Variants in MROH1 observed in about 807,000 individuals in gnomAD.
MROH1 encodes maestro heat like repeat family member 1.
MROH1 carries 117 observed loss-of-function variants against 116.5 expected under a neutral mutation model. The observed-to-expected ratio is 1.00, with a 90% CI of 0.86 to 1.17. The LOEUF is 1.17. MROH1 is among the 50% of genes most tolerant of loss of function. The probability of loss-of-function intolerance (pLI) is 0.00; values close to 1 mark genes in which losing one functional copy is unlikely to be tolerated. For synonymous variants in MROH1, 921 were observed against 583.9 expected, an observed-to-expected ratio of 1.58 and a Z score of -8.32; for missense variants, 1,873 against 1,338.5, an observed-to-expected ratio of 1.40 and a Z score of -6.23.
intron 14 of MROH1, among the ~76,000 whole-genome samples, chr8:144,230,979 GGGT>G (rs1838771397): frequency 7.1e-6 from 1 of 140,702 alleles, no homozygotes; most frequent in African/African-American, 2.7e-5. Context: ...TTGTGTCCCT[GGGT>G]ACTTGAGATT....
chr8:144,235,854 T>A (rs1436825471), intron 14 of MROH1, among the ~76,000 whole-genome samples: 1 of 152,256 alleles, frequency 6.6e-6, no homozygotes, highest in Non-Finnish European at 1.5e-5. Flanking sequence ...TGCACAATTT[T>A]TTTCCAACTC....
rs1455063828 is a variant in MROH1, at chr8:144,258,968, T to G, written c.3929+54T>G. 12 of 681,302 alleles carry G rather than the reference T, an allele frequency of 1.8e-5. No individual in the cohort carries two copies. The African/African-American group carries it at 1.9e-4, about 11-fold the overall frequency. The allele number at this position is 681,302 out of a possible 1,614,324, so 42.2% of individuals were successfully genotyped here. ...AGCACTGGCTGGGCTCCACCGGATC[T>G]CGAGCCCAGAACATGACAGGATCAG... On this transcript the variant is annotated intron_variant, in intron 36 of 43. Coordinates refer to ENST00000326134, the MANE Select transcript of MROH1 (RefSeq NM_032450.3).
rs777054019 is a variant in MROH1, at chr8:144,207,821, T to C, written c.1141+7280T>C. ...TGCCTGCTCAGAAGTCATGAAGATA[T>C]TCTTCTATATTTTCTTTTAGATGCT... On this transcript the variant is annotated intron_variant, in intron 12 of 43. Transcript: ENST00000326134. Among the ~76,000 whole-genome samples the C allele has an allele frequency of 3.3e-5, 5 of 152,224 alleles. No individual in the cohort carries two copies. The South Asian group carries it at 1.0e-3, about 32-fold the overall frequency.
rs541434993 is a variant in MROH1 at position 144,192,387 on chromosome 8, G to T, written c.934G>T (p.Ala312Ser). The T allele has an allele frequency of 1.3e-6, 2 of 1,591,866 alleles. No homozygotes were observed. Among genetic ancestry groups the T allele is most frequent in the Admixed American group, 1.7e-5 (1 of 57,382 alleles). Residue 312 changes from alanine to serine, a missense_variant, in exon 10 of 44, where the codon GCA becomes TCA. Transcript: ENST00000326134. Reference sequence around the variant, plus strand: ...GACCCAGCTGGATGCCCTCTTGGCTGCACTGCACTCCCAGGTAGGAGGCGG... The same window carrying T: ...GACCCAGCTGGATGCCCTCTTGGCTTCACTGCACTCCCAGGTAGGAGGCGG... ...LETQLDALLA[A>S]LHSQICVPVE...
intron 3 of MROH1, 34 bp from the exon 4 acceptor site, chr8:144,168,261 G>GCCTGAGCATGCTAA: frequency 6.4e-7 from 1 of 1,551,404 alleles, no homozygotes; most frequent in African/African-American, 1.3e-5. Context: ...GGGCGCTTGG[G>GCCTGAGCATGCTAA]CCTGAGCATG....
At chr8:144,197,417 CTTTTTTTTTTTTTTTTTTTTTT>C (rs79749774) in intron 10 of MROH1, among the ~76,000 whole-genome samples, 3 of 42,458 alleles carry the variant, frequency 7.1e-5, no homozygotes, top group African/African-American at 1.3e-4. Flanking sequence ...GCTGCAGCAT[CTTTTTTTTTTTTTTTTTTTTTT>C]TTTTTTTTTT....
In MROH1 at chr8:144,155,530, A is replaced by G. The variant is rs900920713; in HGVS notation, c.-176-5440A>G. On this transcript the variant is annotated intron_variant, in intron 1 of 43. Transcript: ENST00000326134. The stretch of plus-strand genomic sequence containing the variant: ...ACAAATCTCCAAAAAGTTTTCCAAT[A>G]TATTTATTGACACAAAACTGTGTAT... Among the ~76,000 whole-genome samples, 202 of 151,962 alleles carry G rather than the reference A, an allele frequency of 1.3e-3. 1 individual carries two copies. Among genetic ancestry groups the G allele is most frequent in the Middle Eastern group, 6.8e-3 (2 of 294 alleles).
chr8:144,259,792 T>TG, intron 37 of MROH1, 119 bp from the exon 38 acceptor site: 1 of 698,160 alleles, frequency 1.4e-6, no homozygotes, highest in South Asian at 1.5e-5. Flanking sequence ...AGGGAGTAGG[T>TG]GCTCCACCTC....
intron 1 of MROH1, among the ~76,000 whole-genome samples, chr8:144,151,258 A>AC (rs1285829331): frequency 5.3e-5 from 8 of 150,438 alleles, no homozygotes; most frequent in Non-Finnish European, 1.0e-4. Context: ...AAAAAAAAAA[A>AC]AAAAAAAAAA....
chr8:144,233,269 G>C (rs1839288698), intron 14 of MROH1, among the ~76,000 whole-genome samples: 4 of 151,334 alleles, frequency 2.6e-5, no homozygotes, highest in Admixed American at 2.6e-4. Context: ...TCCAGCTCCA[G>C]AGCTTGTCCA....
At position 144,190,850 on chromosome 8, in the gene MROH1, C is replaced by G. The variant is rs768461418; in HGVS notation, c.629C>G (p.Thr210Arg). 2 of 1,613,840 alleles carry G rather than the reference C, an allele frequency of 1.2e-6. No individual in the cohort carries two copies. Among genetic ancestry groups the G allele is most frequent in the South Asian group, 2.2e-5 (2 of 91,082 alleles). The change falls in exon 8 of 44, where the codon ACG (threonine) becomes AGG (arginine). Residue 210 changes from threonine (T) to arginine (R), a missense_variant. Transcript: ENST00000326134. ...LANLDRAPDP[T>R]VRKDAFATDI... ...AACCTGGACCGAGCCCCAGACCCCA[C>G]GGTCAGGAAGGACGCCTTTGCCACC...
chr8:144,155,945 G>A (rs1295228998), intron 1 of MROH1, among the ~76,000 whole-genome samples: 1 of 148,914 alleles, frequency 6.7e-6, no homozygotes, highest in Non-Finnish European at 1.5e-5. Flanking sequence ...TTTTTCTTAA[G>A]TAACAAGTTG....
At chr8:144,150,174 G>T (rs1198286095) in intron 1 of MROH1, among the ~76,000 whole-genome samples, 1 of 152,148 alleles carries the variant, frequency 6.6e-6, no homozygotes, top group Non-Finnish European at 1.5e-5. Context: ...TACTTTTTGT[G>T]GCCGGAGGGC....
At position 144,245,250 on chromosome 8, in the gene MROH1, T is replaced by C; in HGVS notation, c.2861T>C (p.Leu954Pro). ...CTGCTGCGCTACTTCCTGGAGCACC[T>C]GCGTGTCAGCGTGAGTACCTGGGTC... Reference protein sequence around the residue: ...ALLLRYFLEHLRVSALVPFHN... With the variant: ...ALLLRYFLEHPRVSALVPFHN... The change falls in exon 29 of 44, where the codon CTG becomes CCG. Residue 954 changes from leucine (L) to proline (P), a missense_variant. Coordinates refer to ENST00000326134, the MANE Select transcript of MROH1 (RefSeq NM_032450.3). 1.3e-6 allele frequency: 1 copy of C among 778,132 alleles called. No homozygotes were observed. 48.2% of individuals were successfully genotyped at this position (778,132 alleles called of 1,614,324 possible).
intron 14 of MROH1, among the ~76,000 whole-genome samples, chr8:144,230,042 TA>T (rs1423137826): frequency 6.6e-6 from 1 of 151,414 alleles, no homozygotes; most frequent in Admixed American, 6.6e-5. Context: ...TCAAAAATAA[TA>T]ATAATAATAA....
chr8:144,239,798 G>A, intron 18 of MROH1, 43 bp downstream of exon 18: 2 of 715,002 alleles, frequency 2.8e-6, no homozygotes, highest in Non-Finnish European at 5.2e-6. Flanking sequence ...CTGTGGGGAG[G>A]GCAGGTCTCA....
At chr8:144,255,112 C>T in intron 34 of MROH1, 134 bp downstream of exon 34, 3 of 610,002 alleles carry the variant, frequency 4.9e-6, no homozygotes, top group Non-Finnish European at 8.8e-6. Flanking sequence ...GGGCTGGGAG[C>T]TCTGAGCTCA....
intron 43 of MROH1, 42 bp from the exon 44 acceptor site, chr8:144,261,613 C>T (rs1040874761): frequency 1.4e-5 from 10 of 701,842 alleles, no homozygotes; most frequent in African/African-American, 3.5e-5. Flanking sequence ...ATGGGCATGC[C>T]GAGGTCACAG....
chr8:144,253,613 G>T (rs943609549), intron 33 of MROH1, among the ~76,000 whole-genome samples: 1 of 152,098 alleles, frequency 6.6e-6, no homozygotes, highest in African/African-American at 2.4e-5. Context: ...CACGTTTCCT[G>T]CCAGGTCATT....
Sources: gnomAD v4.1 joint callset for allele counts (sites outside exome capture counted in the v4.1 genomes callset) on GRCh38, gnomAD v4.1.1 for gene constraint, MANE v1.5 for transcripts, NCBI Gene and HGNC (gene_info 2026-07-23, HGNC 2026-07-21) for gene names.